The following P2RX5 variants were observed in gnomAD, a reference collection of about 807,000 sequenced individuals.
P2RX5 encodes P2X purinoceptor 5.
A neutral mutation model predicts 54.1 loss-of-function variants in P2RX5; 46 were observed. The ratio of observed to expected loss-of-function variants is 0.85; its 90% CI spans 0.67 to 1.09. The LOEUF is 1.09. Among genes scored for constraint, P2RX5 ranks in the 50% least tolerant of loss-of-function variants. The pLI is 0.00. For missense variants in P2RX5, 566 were observed against 549.8 expected, an observed-to-expected ratio of 1.03 and a Z score of -0.29; for synonymous variants, 226 against 226.4, an observed-to-expected ratio of 1.00 and a Z score of 0.02.
At chr17:3,699,928 AAGAAAGAAAGAAAG>A (rs1164901418), upstream of P2RX5, among the ~76,000 whole-genome samples, 10 of 90,418 alleles carry the variant, frequency 1.1e-4, no homozygotes, top group African/African-American at 3.5e-4. Context: ...GAAAGAAAGA[AAGAAAGAAAGAAAG>A]AAAGAAAGAA....
intron 11 of P2RX5, chr17:3,676,457 C>T (rs222763): frequency 0.41 from 400,403 of 982,610 alleles, 83,954 homozygotes; most frequent in African/African-American, 0.65. Flanking sequence ...TTTGCACCTT[C>T]TAAACTTTGA....
At chr17:3,688,944 G>GCCTCAGGGCTGCCTC (rs1265343788) in intron 7 of P2RX5, among the ~76,000 whole-genome samples, 185 bp from the exon 8 acceptor site, 5 of 152,224 alleles carry the variant, frequency 3.3e-5, no homozygotes, top group African/African-American at 1.2e-4. Flanking sequence ...CGTCGTCCCT[G>GCCTCAGGGCTGCCTC]CCTCAGGGCT....
At chr17:3,709,880 G>C in the P2RX5 span, among the ~76,000 whole-genome samples, 1 of 152,136 alleles carries the variant, frequency 6.6e-6, no homozygotes, top group Non-Finnish European at 1.5e-5. Context: ...CTGCACCCCA[G>C]CCTGGGCGAA....
intron 10 of P2RX5, among the ~76,000 whole-genome samples, chr17:3,680,497 G>GCA (rs2142996774): frequency 8.8e-5 from 3 of 34,036 alleles, no homozygotes; most frequent in East Asian, 1.2e-3. Flanking sequence ...TCCACCCAGT[G>GCA]TCCTCCACCC....
chr17:3,723,835 T>G, the P2RX5 span: 8 of 1,546,188 alleles, frequency 5.2e-6, no homozygotes, highest in Admixed American at 6.1e-5. Context: ...GAGGTGCGCA[T>G]GCGCAGGGCC....
chr17:3,681,951 TG>T lies in P2RX5; in HGVS notation c.1008del (p.Ile337SerfsTer18), dbSNP rs746278598. The T allele has an allele frequency of 3.1e-6, 5 of 1,613,502 alleles. No homozygotes were observed. In the African/African-American group the frequency reaches 6.7e-5, roughly 22 times the overall value. On this transcript the variant is annotated frameshift_variant, in exon 10 of 12. Coordinates refer to ENST00000225328, the MANE Select transcript of P2RX5 (RefSeq NM_002561.4). LOFTEE classifies it high-confidence loss of function. The stretch of plus-strand genomic sequence containing the variant: ...AACTCTCTCTTTTTGATGAGGTAGA[TG>T]AGTACCAGGTCGCAGAAGAAAGCAC... ...GKGAFFCDLV[L>X]IYLIKKREFY...
At chr17:3,714,841 C>T in the P2RX5 span, 2 of 1,558,926 alleles carry the variant, frequency 1.3e-6, no homozygotes, top group Non-Finnish European at 1.8e-6. Context: ...CAGTGGATAG[C>T]AGGTCCTAAT....
chr17:3,673,736 G>C lies in P2RX5; in HGVS notation c.*132C>G, dbSNP rs761950123. 1.7e-5 allele frequency: 27 copies of C among 1,604,944 alleles called. No homozygotes were observed. The highest frequency in any genetic ancestry group is 2.1e-5 in the Non-Finnish European group (25 of 1,176,558). On this transcript the variant is annotated 3_prime_UTR_variant, in exon 12 of 12. Transcript: ENST00000225328. Reference sequence around the variant, plus strand: ...CTTTGCTCTGTGATGGCTGGTCCCTGTGATGTGGCATTGATAGCACCCAAT... The same window carrying C: ...CTTTGCTCTGTGATGGCTGGTCCCTCTGATGTGGCATTGATAGCACCCAAT...
Position 3,690,168 on chromosome 17 carries a change from A to C in P2RX5, c.534-18T>G, listed in dbSNP as rs774733537. Reference sequence around the variant, plus strand: ...ATGGCTCCCTGAAAACCAACCCAGAACAGCCTGTCCAGGAGGCCCCACCCC... The same window carrying C: ...ATGGCTCCCTGAAAACCAACCCAGACCAGCCTGTCCAGGAGGCCCCACCCC... On this transcript the variant is annotated intron_variant, in intron 5 of 11. Transcript: ENST00000225328. 34 of 1,611,118 alleles carry C rather than the reference A, an allele frequency of 2.1e-5. No individual in the cohort carries two copies. Among genetic ancestry groups the C allele is most frequent in the African/African-American group, 1.3e-5 (1 of 74,994 alleles).
In P2RX5 at chr17:3,673,687, C is replaced by T; in HGVS notation, c.*181G>A. 2.6e-6 allele frequency: 4 copies of T among 1,535,058 alleles called. No individual in the cohort carries two copies. Among genetic ancestry groups the T allele is most frequent in the Non-Finnish European group, 3.5e-6 (4 of 1,142,042 alleles). Reference sequence around the variant, plus strand: ...AGCCATGATGGGTCCGTCCTGATGACCCCAGCATCAGACGTGGAGGTCACT... The same window carrying T: ...AGCCATGATGGGTCCGTCCTGATGATCCCAGCATCAGACGTGGAGGTCACT... On this transcript the variant is annotated 3_prime_UTR_variant, in exon 12 of 12. Transcript: ENST00000225328.
At chr17:3,691,478 G>A (rs1351292974) in intron 2 of P2RX5, among the ~76,000 whole-genome samples, 166 bp downstream of exon 2, 1 of 152,240 alleles carries the variant, frequency 6.6e-6, no homozygotes, top group Non-Finnish European at 1.5e-5. Flanking sequence ...TTTGGCATGG[G>A]AGGTAGGATC....
intron 5 of P2RX5, 138 bp from the exon 6 acceptor site, chr17:3,690,288 G>C (rs887507685): frequency 1.8e-6 from 2 of 1,122,876 alleles, no homozygotes; most frequent in African/African-American, 3.1e-5. Flanking sequence ...ATGCTGGGGA[G>C]GCCGTCGGGC....
chr17:3,719,029 C>T, the P2RX5 span, among the ~76,000 whole-genome samples: 7 of 151,672 alleles, frequency 4.6e-5, no homozygotes, highest in Non-Finnish European at 4.4e-5. Flanking sequence ...GTCAGAAGTT[C>T]GAGACCAGCC....
the P2RX5 span, chr17:3,723,583 G>A: frequency 8.1e-7 from 1 of 1,240,124 alleles, no homozygotes; most frequent in South Asian, 1.4e-5. Flanking sequence ...GGCAGCCCCC[G>A]GCACTGGCCG....
At chr17:3,717,366 A>C in the P2RX5 span, 1 of 152,406 alleles carries the variant, frequency 6.6e-6, no homozygotes, top group East Asian at 1.9e-4. Flanking sequence ...GGGACATAAT[A>C]AATGCAAATT....
the P2RX5 span, among the ~76,000 whole-genome samples, chr17:3,719,534 C>T: frequency 6.6e-6 from 1 of 152,158 alleles, no homozygotes; most frequent in Non-Finnish European, 1.5e-5. Flanking sequence ...GTCCACAAAT[C>T]ACAGGCATCA....
chr17:3,680,832 A>T (rs867148631), intron 10 of P2RX5, among the ~76,000 whole-genome samples: 18 of 57,754 alleles, frequency 3.1e-4, no homozygotes, highest in East Asian at 1.6e-3. Context: ...TCCTCCACCC[A>T]GCGTCCTCCA....
chr17:3,673,530 C>T lies in P2RX5; in HGVS notation c.*338G>A. The T allele has an allele frequency of 7.8e-7, 1 of 1,289,974 alleles. No individual in the cohort carries two copies. Among genetic ancestry groups the T allele is most frequent in the Non-Finnish European group, 9.9e-7 (1 of 1,008,696 alleles). 79.9% of individuals were successfully genotyped at this position (1,289,974 alleles called of 1,614,324 possible). ...GGTAATCTAGGAACTCTACAGGGCA[C>T]TGCGGTCCTTAGCTGAGGTGCTCAA... On this transcript the variant is annotated 3_prime_UTR_variant, in exon 12 of 12. Coordinates refer to ENST00000225328, the MANE Select transcript of P2RX5 (RefSeq NM_002561.4).
rs2050235957 is a variant in P2RX5, at chr17:3,680,536, AGCGTCCTCCACCCG to A, written c.1065-766_1065-753del. On this transcript the variant is annotated intron_variant, in intron 10 of 11. Coordinates refer to ENST00000225328, the MANE Select transcript of P2RX5 (RefSeq NM_002561.4). ...ATCCTCCACCCTGCGTCCTCCACCC[AGCGTCCTCCACCCG>A]GCGTCCTCCACCCTGCTTCCTCCAC... Among the ~76,000 whole-genome samples, 11 of 43,384 alleles carry A rather than the reference AGCGTCCTCCACCCG, an allele frequency of 2.5e-4. 1 individual carries two copies. Among genetic ancestry groups the A allele is most frequent in the African/African-American group, 3.5e-4 (3 of 8,482 alleles). 28.5% of individuals were successfully genotyped at this position (43,384 alleles called of 152,430 possible).
Sources: gnomAD v4.1 joint callset for allele counts (sites outside exome capture counted in the v4.1 genomes callset) on GRCh38, gnomAD v4.1.1 for gene constraint, MANE v1.5 for transcripts, NCBI Gene and HGNC (gene_info 2026-07-23, HGNC 2026-07-21) for gene names.